Variants in TCERG1L observed in about 807,000 individuals in gnomAD.
The protein encoded by TCERG1L is transcription elongation regulator 1 like, also known as transcription elongation regulator 1-like protein.
In TCERG1L, 37 loss-of-function variants were observed where a neutral mutation model predicts 56.3. The ratio of observed to expected loss-of-function variants is 0.66; its 90% CI spans 0.51 to 0.87. TCERG1L has a LOEUF of 0.87. TCERG1L is among the 40% of genes least tolerant of loss of function. The pLI is 0.00. For synonymous variants in TCERG1L, 324 were observed against 326.3 expected (o/e 0.99, Z 0.08); for missense variants, 799 against 774.2 (o/e 1.03, Z -0.38).
Position 131,267,049 on chromosome 10 carries a change from T to A in TCERG1L, c.671-6605A>T, listed in dbSNP as rs1846295006. On this transcript the variant is annotated intron_variant, in intron 3 of 11. Coordinates refer to ENST00000368642, the MANE Select transcript of TCERG1L (RefSeq NM_174937.4). The surrounding 1 kb of genome is among the most constrained non-coding windows in gnomAD (Gnocchi z 4.9). ...CTTCAGGTCCTCCCTGGCCTGAAGG[T>A]GCATCCTCATCTGGAACCCACTCCT... 1.3e-5 allele frequency among the ~76,000 whole-genome samples: 2 copies of A among 151,918 alleles called. No homozygotes were observed. The highest frequency in any genetic ancestry group is 6.5e-5 in the Admixed American group (1 of 15,270).
intron 9 of TCERG1L, among the ~76,000 whole-genome samples, chr10:131,107,265 G>A (rs1399974038): frequency 6.6e-6 from 1 of 152,216 alleles, no homozygotes; most frequent in South Asian, 2.1e-4. Context: ...TGCAGGGAGA[G>A]AGGATTAGAC....
intron 3 of TCERG1L, among the ~76,000 whole-genome samples, chr10:131,273,744 G>T (rs374169961): frequency 3.3e-5 from 5 of 152,302 alleles, no homozygotes; most frequent in African/African-American, 1.2e-4. Flanking sequence ...GTCACTCTGA[G>T]TGCTTCCAGG....
At chr10:131,142,418 C>T (rs1236000434) in intron 7 of TCERG1L, among the ~76,000 whole-genome samples, 2 of 152,230 alleles carry the variant, frequency 1.3e-5, no homozygotes, top group Admixed American at 6.5e-5. Flanking sequence ...ACCCATTCAC[C>T]AGTCACAGCT....
intron 8 of TCERG1L, among the ~76,000 whole-genome samples, chr10:131,127,674 C>A (rs1320134016): frequency 6.6e-6 from 1 of 152,150 alleles, no homozygotes; most frequent in Non-Finnish European, 1.5e-5. Flanking sequence ...TAAAACACAG[C>A]CCCCCGTCAC....
At chr10:131,215,234 C>T (rs1454856829) in intron 4 of TCERG1L, among the ~76,000 whole-genome samples, 2 of 152,196 alleles carry the variant, frequency 1.3e-5, no homozygotes, top group Non-Finnish European at 2.9e-5. Flanking sequence ...GCCCGACACC[C>T]ATGTTTCCCA....
chr10:131,223,199 C>T (rs1019651962), intron 4 of TCERG1L, among the ~76,000 whole-genome samples: 1 of 152,198 alleles, frequency 6.6e-6, no homozygotes, highest in East Asian at 1.9e-4. Context: ...CACCAGCAGC[C>T]GCTGGACTGT....
chr10:131,268,065 G>A (rs1589767213), intron 3 of TCERG1L, among the ~76,000 whole-genome samples: 1 of 152,164 alleles, frequency 6.6e-6, no homozygotes, highest in South Asian at 2.1e-4. Flanking sequence ...GGGGCAGGGA[G>A]GGATTCCCAG....
rs540582305 is a variant in TCERG1L, at chr10:131,311,389, G to C, written c.247C>G (p.Pro83Ala). 432 of 1,189,300 alleles carry C rather than the reference G, an allele frequency of 3.6e-4. No individual in the cohort carries two copies. In the African/African-American group the frequency reaches 6.1e-3, roughly 17 times the overall value. 73.7% of individuals were successfully genotyped at this position (1,189,300 alleles called of 1,614,324 possible). ...LLPGLPGWPAPSEPVLPLLPL... is the reference protein window; with the variant it reads ...LLPGLPGWPAASEPVLPLLPL... ...AGCAGCGGGAGCACCGGCTCGCTCGGGGCCGGCCAGCCGGGGAGACCGGGG... is the reference window on the plus strand; with the variant it reads ...AGCAGCGGGAGCACCGGCTCGCTCGCGGCCGGCCAGCCGGGGAGACCGGGG... Residue 83 changes from proline (P) to alanine (A), a missense_variant, in exon 1 of 12, where the codon CCG (proline) becomes GCG (alanine). Transcript: ENST00000368642. The surrounding 1 kb of genome is among the most constrained non-coding windows in gnomAD (Gnocchi z 4.0).
chr10:131,112,096 C>A (rs1214235196), intron 9 of TCERG1L, among the ~76,000 whole-genome samples: 1 of 143,010 alleles, frequency 7.0e-6, no homozygotes, highest in African/African-American at 2.5e-5. Context: ...AAGTTCAAGA[C>A]CCCTGAGAGT....
intron 4 of TCERG1L, among the ~76,000 whole-genome samples, chr10:131,242,875 C>T (rs897481826): frequency 6.6e-6 from 1 of 151,892 alleles, no homozygotes; most frequent in East Asian, 1.9e-4. Context: ...CCTGTAAAAG[C>T]GAATATAATT....
intron 2 of TCERG1L, 71 bp downstream of exon 2, chr10:131,309,082 G>C (rs1436148822): frequency 6.5e-7 from 1 of 1,532,252 alleles, no homozygotes; most frequent in Non-Finnish European, 8.8e-7. Flanking sequence ...GGGTATTTTT[G>C]TTGTTATGTC....
chr10:131,300,564 T>C (rs1376822132), intron 3 of TCERG1L, among the ~76,000 whole-genome samples: 1 of 152,156 alleles, frequency 6.6e-6, no homozygotes, highest in African/African-American at 2.4e-5. Context: ...TAATTTGACT[T>C]TCTTATATTT....
At chr10:131,147,821 C>T (rs1481130518) in intron 6 of TCERG1L, among the ~76,000 whole-genome samples, 2 of 152,252 alleles carry the variant, frequency 1.3e-5, no homozygotes, top group Non-Finnish European at 2.9e-5. Context: ...AGCCCACTCA[C>T]GCCTCACTCC....
intron 4 of TCERG1L, among the ~76,000 whole-genome samples, chr10:131,205,376 A>G (rs1845508831): frequency 6.6e-6 from 1 of 152,194 alleles, no homozygotes; most frequent in Admixed American, 6.5e-5. Context: ...AAAAAAAAAA[A>G]AAACAGCAAT....
chr10:131,210,418 C>G (rs2133487265), intron 4 of TCERG1L, among the ~76,000 whole-genome samples: 1 of 152,316 alleles, frequency 6.6e-6, no homozygotes, highest in Admixed American at 6.5e-5. Context: ...TGGAAGAGAG[C>G]CAGCTCTGAC....
rs566737628 is a variant in TCERG1L, at chr10:131,309,789, A to G, written c.343-490T>C. Among the ~76,000 whole-genome samples, 5 of 145,412 alleles carry G rather than the reference A, an allele frequency of 3.4e-5. No individual in the cohort carries two copies. The East Asian group carries it at 9.9e-4, about 29-fold the overall frequency. On this transcript the variant is annotated intron_variant, in intron 1 of 11. Transcript: ENST00000368642. ...AAAATATCTAGGAAGTTAAGATTCCAAGTTTCACCAATACAAGGTTCACCA... is the reference window on the plus strand; with the variant it reads ...AAAATATCTAGGAAGTTAAGATTCCGAGTTTCACCAATACAAGGTTCACCA...
At chr10:131,131,757 C>T (rs530932568) in intron 8 of TCERG1L, among the ~76,000 whole-genome samples, 3 of 152,172 alleles carry the variant, frequency 2.0e-5, no homozygotes, top group Non-Finnish European at 4.4e-5. Context: ...AGCTTATTTG[C>T]TTGTTTCTTA....
intron 3 of TCERG1L, among the ~76,000 whole-genome samples, chr10:131,274,738 C>T (rs1846375243): frequency 1.3e-5 from 2 of 152,210 alleles, no homozygotes; most frequent in Admixed American, 6.5e-5. Context: ...CACCTGACCC[C>T]TCACATTGCC....
At chr10:131,264,903 C>A (rs1392324842) in intron 3 of TCERG1L, among the ~76,000 whole-genome samples, 1 of 152,162 alleles carries the variant, frequency 6.6e-6, no homozygotes, top group Admixed American at 6.5e-5. Context: ...GAGGGTCCCA[C>A]GTCTGTGTAG....
Sources: gnomAD v4.1 joint callset for allele counts (sites outside exome capture counted in the v4.1 genomes callset) on GRCh38, gnomAD v4.1.1 for gene constraint, Gnocchi (gnomAD v3.1) non-coding constraint, MANE v1.5 for transcripts, NCBI Gene and HGNC (gene_info 2026-07-23, HGNC 2026-07-21) for gene names.